The following RSAD2 variants were observed in gnomAD, a reference collection of about 807,000 sequenced individuals.
The protein encoded by RSAD2 is S-adenosylmethionine-dependent nucleotide dehydratase RSAD2.
A neutral mutation model predicts 37.7 loss-of-function variants in RSAD2; 38 were observed. The observed-to-expected ratio is 1.01, with a 90% confidence interval of 0.78 to 1.32. RSAD2 has a LOEUF of 1.32. Ranked by LOEUF, RSAD2 falls within the 40% of genes most tolerant of loss-of-function variation. The pLI, the probability that RSAD2 is intolerant of heterozygous loss-of-function variation, is 0.00. For missense variants in RSAD2, 428 were observed against 437.5 expected (o/e 0.98, Z 0.19); for synonymous variants, 163 against 157.4 (o/e 1.04, Z -0.27).
At chr2:6,871,758 A>G (rs187020449) in intron 1 of RSAD2, among the ~76,000 whole-genome samples, 155 of 152,324 alleles carry the variant, frequency 1.0e-3, no homozygotes, top group Non-Finnish European at 1.6e-3. Flanking sequence ...ATTGGCTTCT[A>G]AAAATGAGTA....
At chr2:6,884,608 C>T (rs763363346) in intron 2 of RSAD2, among the ~76,000 whole-genome samples, 5 of 152,148 alleles carry the variant, frequency 3.3e-5, no homozygotes, top group Admixed American at 6.5e-5. Flanking sequence ...AGAGTAGGGA[C>T]AGTACTGCAT....
At chr2:6,891,659 C>CA (rs1471048835) in intron 4 of RSAD2, among the ~76,000 whole-genome samples, 1 of 151,974 alleles carries the variant, frequency 6.6e-6, no homozygotes, top group Non-Finnish European at 1.5e-5. Flanking sequence ...CCCAGCTACT[C>CA]GAGAGGCTGA....
At chr2:6,890,928 C>T (rs1663618246) in intron 4 of RSAD2, among the ~76,000 whole-genome samples, 1 of 151,808 alleles carries the variant, frequency 6.6e-6, no homozygotes, top group African/African-American at 2.4e-5. Context: ...AAAATGTGTT[C>T]TCAGAAGCTA....
At chr2:6,883,232 T>A (rs1325194124) in intron 1 of RSAD2, 139 bp from the exon 2 acceptor site, 1 of 859,436 alleles carries the variant, frequency 1.2e-6, no homozygotes, top group African/African-American at 1.7e-5. Context: ...GGGATTGGTG[T>A]TGGGAACTAG....
chr2:6,886,832 T>G (rs1235670424), intron 2 of RSAD2, 103 bp from the exon 3 acceptor site: 6 of 823,928 alleles, frequency 7.3e-6, no homozygotes, highest in Non-Finnish European at 1.1e-5. Flanking sequence ...AAAAGTGTCT[T>G]TTTAAAAATT....
chr2:6,894,343 C>A (rs998610445), intron 5 of RSAD2, among the ~76,000 whole-genome samples: 2 of 152,124 alleles, frequency 1.3e-5, no homozygotes, highest in Admixed American at 1.3e-4. Flanking sequence ...TAGCAAAGGA[C>A]AAATAATTCC....
intron 4 of RSAD2, among the ~76,000 whole-genome samples, chr2:6,891,764 TCAAACAAA>T (rs1219839074): frequency 6.6e-6 from 1 of 151,910 alleles, no homozygotes; most frequent in Non-Finnish European, 1.5e-5. Context: ...AGACTCTGTC[TCAAACAAA>T]CAAACAAACA....
chr2:6,886,982 G>T lies in RSAD2; in HGVS notation c.556G>T (p.Glu186Ter). Residue 186 changes from glutamate (E) to a stop codon, truncating the protein, a stop_gained, in exon 3 of 6, where the codon GAA becomes TAA. Coordinates refer to ENST00000382040, the MANE Select transcript of RSAD2 (RefSeq NM_080657.5). LOFTEE classifies it high-confidence loss of function. ...TATCTCCTGTGACAGCTTTGACGAG[G>T]AAGTCAATGTCCTTATTGGCCGTGG... The part of the protein sequence containing the change: ...LAISCDSFDE[E>*]VNVLIGRGQG... The T allele has an allele frequency of 6.2e-7, 1 of 1,614,192 alleles. No individual in the cohort carries two copies. The highest frequency in any genetic ancestry group is 8.5e-7 in the Non-Finnish European group (1 of 1,180,026).
At chr2:6,867,632 C>T (rs1663126888) in intron 1 of RSAD2, among the ~76,000 whole-genome samples, 1 of 152,142 alleles carries the variant, frequency 6.6e-6, no homozygotes. Context: ...TATTTGTATC[C>T]TCGGACCTTG....
chr2:6,869,252 C>CT (rs773550628), intron 1 of RSAD2, among the ~76,000 whole-genome samples: 1 of 152,176 alleles, frequency 6.6e-6, no homozygotes, highest in East Asian at 1.9e-4. Context: ...GCTCTACAGC[C>CT]TTTTAGAGGA....
rs1450400148 is a variant in RSAD2 at position 6,897,186 on chromosome 2, T to G, written c.*1244T>G. On this transcript the variant is annotated 3_prime_UTR_variant, in exon 6 of 6. Transcript: ENST00000382040. ...TAGATCAGGGAACAAAATCCTCTCC[T>G]TGTGGAAATATCCCATGCAGTTTGT... The G allele has an allele frequency of 6.6e-6, 1 of 152,216 alleles. No individual in the cohort carries two copies. Among genetic ancestry groups the G allele is most frequent in the Non-Finnish European group, 1.5e-5 (1 of 68,042 alleles). The allele number at this position is 152,216 out of a possible 1,614,324, so 9.4% of individuals were successfully genotyped here.
At chr2:6,893,793 G>C in intron 5 of RSAD2, 90 bp downstream of exon 5, 1 of 864,638 alleles carries the variant, frequency 1.2e-6, no homozygotes, top group South Asian at 1.4e-5. Context: ...TAACTATCTA[G>C]TACCTATTTG....
intron 2 of RSAD2, among the ~76,000 whole-genome samples, chr2:6,886,638 A>T (rs749750599): frequency 6.6e-6 from 1 of 152,278 alleles, no homozygotes; most frequent in African/African-American, 2.4e-5. Context: ...CATAATTTGT[A>T]TGCAGGAATA....
intron 1 of RSAD2, among the ~76,000 whole-genome samples, chr2:6,870,048 C>A (rs1663176073): frequency 6.6e-6 from 1 of 152,188 alleles, no homozygotes; most frequent in African/African-American, 2.4e-5. Context: ...GAGTTTCAAT[C>A]CTTCATTTGC....
chr2:6,883,569 T>G, intron 2 of RSAD2, 37 bp downstream of exon 2: 2 of 1,606,678 alleles, frequency 1.2e-6, no homozygotes, highest in Non-Finnish European at 1.7e-6. Flanking sequence ...TTATTGCTAT[T>G]GCTATTTTTA....
upstream of RSAD2, among the ~76,000 whole-genome samples, chr2:6,874,024 G>A (rs980032464): frequency 2.0e-5 from 3 of 152,136 alleles, no homozygotes; most frequent in African/African-American, 7.2e-5. Flanking sequence ...ATTGGATCAC[G>A]GGAGCAGGTC....
At chr2:6,871,753 C>T (rs781204575) in intron 1 of RSAD2, among the ~76,000 whole-genome samples, 2 of 152,120 alleles carry the variant, frequency 1.3e-5, no homozygotes, top group Non-Finnish European at 2.9e-5. Context: ...ACCAGATTGG[C>T]TTCTAAAAAT....
intron 3 of RSAD2, 146 bp from the exon 4 acceptor site, chr2:6,890,030 C>T: frequency 1.5e-6 from 1 of 666,074 alleles, no homozygotes; most frequent in Non-Finnish European, 2.4e-6. Context: ...GCTTTCATTT[C>T]CCCAAAGTAA....
chr2:6,889,293 G>C (rs1301041307), intron 3 of RSAD2, among the ~76,000 whole-genome samples: 1 of 152,164 alleles, frequency 6.6e-6, no homozygotes, highest in African/African-American at 2.4e-5. Context: ...AGTCTATTAA[G>C]GAAGACACCA....
Sources: gnomAD v4.1 joint callset for allele counts (sites outside exome capture counted in the v4.1 genomes callset) on GRCh38, gnomAD v4.1.1 for gene constraint, MANE v1.5 for transcripts, NCBI Gene and HGNC (gene_info 2026-07-23, HGNC 2026-07-21) for gene names.